CWH43: variants seen among roughly 807,000 people sequenced by gnomAD.
The protein encoded by CWH43 is PGAP2-interacting protein.
Under a neutral mutation model 85.7 loss-of-function variants are expected in CWH43, and 91 were observed. The observed-to-expected ratio is 1.06, with a 90% CI of 0.90 to 1.26. The LOEUF is 1.26. CWH43 is among the 50% of genes most tolerant of loss of function. CWH43 has a pLI of 0.00. For synonymous variants in CWH43, 323 were observed against 293.6 expected (o/e 1.10, Z -1.02); for missense variants, 869 against 839.2 (o/e 1.04, Z -0.44).
At chr4:49,041,352 G>T (rs888522856) in intron 13 of CWH43, among the ~76,000 whole-genome samples, 7 of 152,154 alleles carry the variant, frequency 4.6e-5, no homozygotes, top group African/African-American at 9.7e-5. Flanking sequence ...CCATTTTCAC[G>T]ATATTGATTC....
chr4:48,992,521 GT>G lies in CWH43; in HGVS notation c.511+439del, dbSNP rs200694680. Among the ~76,000 whole-genome samples, 264 of 152,028 alleles carry G rather than the reference GT, an allele frequency of 1.7e-3. 1 individual carries two copies. The highest frequency in any genetic ancestry group is 6.2e-3 in the African/African-American group (257 of 41,440). Reference sequence around the variant, plus strand: ...TATGGCTGTCACTGGAACTCCCTGGGTTTTTTTTCCCAGAGGTCTGAAGCTC... The same window carrying G: ...TATGGCTGTCACTGGAACTCCCTGGGTTTTTTTCCCAGAGGTCTGAAGCTC... On this transcript the variant is annotated intron_variant, in intron 4 of 15. Transcript: ENST00000226432. This position sits in a 1 kb window ranked among gnomAD's most constrained non-coding sequence, Gnocchi z 4.3.
chr4:49,020,254 G>C (rs749303426), intron 9 of CWH43, among the ~76,000 whole-genome samples: 2 of 151,746 alleles, frequency 1.3e-5, no homozygotes, highest in African/African-American at 4.8e-5. Context: ...TCCCACTTAC[G>C]TGCAAGAATA....
At chr4:49,033,822 C>T (rs903279720) in intron 12 of CWH43, among the ~76,000 whole-genome samples, 5 of 152,182 alleles carry the variant, frequency 3.3e-5, no homozygotes, top group African/African-American at 1.2e-4. Flanking sequence ...GAGCTATGTG[C>T]TATGACATTC....
chr4:49,043,293 C>T (rs1784524553), intron 13 of CWH43, among the ~76,000 whole-genome samples: 1 of 152,146 alleles, frequency 6.6e-6, no homozygotes, highest in South Asian at 2.1e-4. Context: ...CGCGTAAGTA[C>T]ATGGTCTATG....
At chr4:49,037,707 T>C (rs976169748) in intron 12 of CWH43, among the ~76,000 whole-genome samples, 25 of 152,266 alleles carry the variant, frequency 1.6e-4, no homozygotes, top group Non-Finnish European at 7.3e-5. Context: ...TTAGCTGTAA[T>C]ACTGATGGTG....
intron 13 of CWH43, among the ~76,000 whole-genome samples, chr4:49,042,450 T>A (rs756258661): frequency 2.6e-5 from 4 of 152,192 alleles, no homozygotes; most frequent in Non-Finnish European, 4.4e-5. Flanking sequence ...ACAAGGAAGA[T>A]GAGTTCAGCT....
chr4:49,012,049 A>G (rs1783381595), intron 8 of CWH43, among the ~76,000 whole-genome samples: 1 of 152,134 alleles, frequency 6.6e-6, no homozygotes, highest in Admixed American at 6.6e-5. Flanking sequence ...GTTCTTCTGG[A>G]TAATATCCTG....
chr4:49,058,592 T>G (rs1785040597), intron 15 of CWH43, among the ~76,000 whole-genome samples: 1 of 152,240 alleles, frequency 6.6e-6, no homozygotes, highest in African/African-American at 2.4e-5. Flanking sequence ...GTTCACATTT[T>G]TAATGTCCTT....
intron 8 of CWH43, among the ~76,000 whole-genome samples, chr4:49,012,431 C>T (rs944717897): frequency 2.0e-5 from 3 of 152,180 alleles, no homozygotes; most frequent in Non-Finnish European, 4.4e-5. Context: ...TCCTTTAGCT[C>T]GGAGAAGTTT....
At chr4:49,032,006 G>T (rs1226486773) in intron 11 of CWH43, among the ~76,000 whole-genome samples, 3 of 152,190 alleles carry the variant, frequency 2.0e-5, no homozygotes, top group Non-Finnish European at 2.9e-5. Flanking sequence ...GGCTGGAGAT[G>T]TACCTTCAGC....
rs149065422 is a variant in CWH43, at chr4:48,989,945, C to T, written c.235+1277C>T. On this transcript the variant is annotated intron_variant, in intron 2 of 15. Transcript: ENST00000226432. ...TGGCTTACAGTATCCTTACATGAAC[C>T]ACCGTAGCTCCGAGTCTTGCAAGAT... Among the ~76,000 whole-genome samples the T allele has an allele frequency of 1.9e-3, 287 of 152,292 alleles. 1 individual carries two copies. The highest frequency in any genetic ancestry group is 6.7e-3 in the African/African-American group (278 of 41,566).
chr4:49,058,019 A>G (rs1935156666), intron 15 of CWH43, among the ~76,000 whole-genome samples: 1 of 152,132 alleles, frequency 6.6e-6, no homozygotes, highest in African/African-American at 2.4e-5. Flanking sequence ...AGTTTTTTTT[A>G]TAGGCAGCAA....
At chr4:49,048,472 C>T (rs1367561697) in intron 14 of CWH43, among the ~76,000 whole-genome samples, 17 of 151,490 alleles carry the variant, frequency 1.1e-4, no homozygotes, top group Non-Finnish European at 2.4e-4. Context: ...AACAAAATAC[C>T]ATAGACTTGG....
intron 5 of CWH43, among the ~76,000 whole-genome samples, chr4:48,996,921 T>C (rs1782834316): frequency 6.6e-6 from 1 of 152,248 alleles, no homozygotes; most frequent in Non-Finnish European, 1.5e-5. Flanking sequence ...TTCTGTGAGA[T>C]GCTGGTTTCT....
At chr4:49,051,819 C>T (rs563118012) in intron 15 of CWH43, among the ~76,000 whole-genome samples, 1 of 152,270 alleles carries the variant, frequency 6.6e-6, no homozygotes, top group Non-Finnish European at 1.5e-5. Context: ...TCAGGTGACC[C>T]ACCTGCCTCT....
chr4:49,046,213 T>A (rs1203896203), intron 14 of CWH43, among the ~76,000 whole-genome samples: 2 of 152,192 alleles, frequency 1.3e-5, no homozygotes, highest in Non-Finnish European at 2.9e-5. Flanking sequence ...GCTGAGATTT[T>A]AAAATTCAAA....
intron 11 of CWH43, among the ~76,000 whole-genome samples, chr4:49,031,743 C>T (rs1174952082): frequency 6.6e-6 from 1 of 152,066 alleles, no homozygotes; most frequent in Admixed American, 6.5e-5. Context: ...GAGAAGAGGA[C>T]AAACTCAGGA....
At chr4:48,989,462 T>C (rs565953627) in intron 2 of CWH43, among the ~76,000 whole-genome samples, 2 of 152,334 alleles carry the variant, frequency 1.3e-5, no homozygotes, top group East Asian at 1.9e-4. Context: ...GAAATTCCAC[T>C]TCTAGGAATA....
intron 15 of CWH43, among the ~76,000 whole-genome samples, chr4:49,054,685 CATT>C (rs1356353438): frequency 2.0e-5 from 3 of 152,036 alleles, no homozygotes; most frequent in African/African-American, 7.2e-5. Flanking sequence ...TTTCTTTCAT[CATT>C]ATTTTGTGGT....
Sources: gnomAD v4.1 joint callset for allele counts (sites outside exome capture counted in the v4.1 genomes callset) on GRCh38, gnomAD v4.1.1 for gene constraint, Gnocchi (gnomAD v3.1) non-coding constraint, MANE v1.5 for transcripts, NCBI Gene and HGNC (gene_info 2026-07-23, HGNC 2026-07-21) for gene names.